KLHL9: variants seen among roughly 807,000 people sequenced by gnomAD.
KLHL9 encodes kelch like family member 9.
In KLHL9, 27 loss-of-function variants were observed where a neutral mutation model predicts 42.3. That is an observed-to-expected ratio of 0.64 (90% CI 0.47 to 0.88). The LOEUF (loss-of-function observed/expected upper bound fraction) is 0.88, where lower values mean the gene tolerates loss of function less well. Among genes scored for constraint, KLHL9 ranks in the 40% least tolerant of loss-of-function variants. The pLI is 0.00. For synonymous variants in KLHL9, 274 were observed against 254.4 expected (o/e 1.08, Z -0.73); for missense variants, 629 against 750.3 (o/e 0.84, Z 1.89).
chr9:21,331,897 G>C lies in KLHL9; in HGVS notation c.*1109C>G, dbSNP rs988064614. The C allele has an allele frequency of 1.3e-5, 2 of 152,606 alleles. No individual in the cohort carries two copies. Among genetic ancestry groups the C allele is most frequent in the Admixed American group, 6.5e-5 (1 of 15,282 alleles). The allele number at this position is 152,606 out of a possible 1,614,324, so 9.5% of individuals were successfully genotyped here. A position where few individuals can be genotyped will look rare whatever the true frequency, so the allele number is the denominator to read the frequency against. On this transcript the variant is annotated 3_prime_UTR_variant, in exon 1 of 1. Coordinates refer to ENST00000359039, the MANE Select transcript of KLHL9 (RefSeq NM_018847.4). The stretch of plus-strand genomic sequence containing the variant: ...CACAGCTCAGGATGCACATGGACTG[G>C]AACAGCACCAGGGCAAGCACCCCAA...
In KLHL9 at chr9:21,333,504, T is replaced by C; in HGVS notation, c.1356A>G (p.Gly452=). The change falls in exon 1 of 1, where the codon GGA becomes GGG. Residue 452 remains glycine (G), a synonymous_variant. Transcript: ENST00000359039. The surrounding 1 kb of genome is among the most constrained non-coding windows in gnomAD (Gnocchi z 7.5). ...TVYGGLMYIS[G]GITHDTFQNE... The stretch of plus-strand genomic sequence containing the variant: ...TTTGGAAAGTGTCATGGGTAATTCC[T>C]CCTGAAATATACATTAAGCCTCCAT... 1 of 1,614,206 alleles carries C rather than the reference T, an allele frequency of 6.2e-7. No homozygotes were observed. Among genetic ancestry groups the C allele is most frequent in the Admixed American group, 1.7e-5 (1 of 60,028 alleles).
rs767632846 is a variant in KLHL9 at position 21,333,319 on chromosome 9, C to T, written c.1541G>A (p.Ser514Asn). Residue 514 changes from serine (S) to asparagine (N), a missense_variant, in exon 1 of 1, where the codon AGC (serine) becomes AAC (asparagine). By Grantham distance (46) the Ser-to-Asn change is conservative (BLOSUM62 1). Coordinates refer to ENST00000359039, the MANE Select transcript of KLHL9 (RefSeq NM_018847.4). This position sits in a 1 kb window ranked among gnomAD's most constrained non-coding sequence, Gnocchi z 7.5. ...AAGGGTTGGTGAATAGTATTCACAG[C>T]TTAGAACATCATCATAATCACTTGT... ...RGTSDYDDVL[S>N]CEYYSPTLDQ... 7 of 1,614,056 alleles carry T rather than the reference C, an allele frequency of 4.3e-6. No homozygotes were observed. The South Asian group carries it at 7.7e-5, about 18-fold the overall frequency.
Position 21,334,337 on chromosome 9 carries a change from T to C in KLHL9, c.523A>G (p.Asn175Asp). 1.2e-6 allele frequency: 2 copies of C among 1,613,744 alleles called. No individual in the cohort carries two copies. Among genetic ancestry groups the C allele is most frequent in the Non-Finnish European group, 1.7e-6 (2 of 1,179,772 alleles). Residue 175 changes from asparagine (N) to aspartate (D), a missense_variant, in exon 1 of 1, where the codon AAT becomes GAT. By Grantham distance (23) the Asn-to-Asp change is conservative. This residue lies in a region of KLHL9 where 351 missense variants were observed against 363.1 expected (regional missense o/e 0.97). Coordinates refer to ENST00000359039, the MANE Select transcript of KLHL9 (RefSeq NM_018847.4). The surrounding 1 kb of genome is among the most constrained non-coding windows in gnomAD (Gnocchi z 5.1). ...NLIEVDKYVNNFILKNFPALL... is the reference protein window; with the variant it reads ...NLIEVDKYVNDFILKNFPALL... Reference sequence around the variant, plus strand: ...GCAGGAAAGTTCTTCAGGATGAAATTATTAACATATTTATCCACTTCTATA... The same window carrying C: ...GCAGGAAAGTTCTTCAGGATGAAATCATTAACATATTTATCCACTTCTATA...
rs1820238201 is a variant in KLHL9, at chr9:21,334,791, G to C, written c.69C>G (p.Thr23=). The C allele has an allele frequency of 1.2e-6, 2 of 1,612,976 alleles. No individual in the cohort carries two copies. The highest frequency in any genetic ancestry group is 2.7e-5 in the African/African-American group (2 of 74,830). The stretch of plus-strand genomic sequence containing the variant: ...GAGTATTGCTGGTAAAAAAGCGTGT[G>C]GTTCCTGCCTTACAAGGCTGCAAAT... ...SAHLQPCKAG[T]TRFFTSNTHS... is the part of the protein sequence containing the mutation. The change falls in exon 1 of 1, where the codon ACC becomes ACG. Residue 23 remains threonine (T), a synonymous_variant. Coordinates refer to ENST00000359039, the MANE Select transcript of KLHL9 (RefSeq NM_018847.4). The surrounding 1 kb of genome is among the most constrained non-coding windows in gnomAD (Gnocchi z 5.1).
At position 21,333,750 on chromosome 9, in the gene KLHL9, G is replaced by C; in HGVS notation, c.1110C>G (p.Phe370Leu). ...ATTTATTATACCGAGGATCAAATCT[G>C]AAAACTGTATCAACAGCAGTTTTTC... ...TKGKTAVDTV[F>L]RFDPRYNKWM... Residue 370 changes from phenylalanine to leucine, a missense_variant, in exon 1 of 1, where the codon TTC becomes TTG. This residue lies in a region of KLHL9 where 214 missense variants were observed against 305.8 expected (regional missense o/e 0.70). Coordinates refer to ENST00000359039, the MANE Select transcript of KLHL9 (RefSeq NM_018847.4). The surrounding 1 kb of genome is among the most constrained non-coding windows in gnomAD (Gnocchi z 7.5). 1 of 1,614,088 alleles carries C rather than the reference G, an allele frequency of 6.2e-7. No homozygotes were observed. Among genetic ancestry groups the C allele is most frequent in the Non-Finnish European group, 8.5e-7 (1 of 1,179,994 alleles).
In KLHL9 at chr9:21,334,951, G is replaced by A; in HGVS notation, c.-92C>T. On this transcript the variant is annotated 5_prime_UTR_variant, in exon 1 of 1. Transcript: ENST00000359039. This position sits in a 1 kb window ranked among gnomAD's most constrained non-coding sequence, Gnocchi z 5.1. ...GGTAACGAGGTGTCCAGAAAGAACA[G>A]AAAGCTCGTTTCCTTATCAAGGGAA... 1 of 1,554,792 alleles carries A rather than the reference G, an allele frequency of 6.4e-7. No individual in the cohort carries two copies. Among genetic ancestry groups the A allele is most frequent in the East Asian group, 2.3e-5 (1 of 43,482 alleles).
chr9:21,332,891 A>G lies in KLHL9; in HGVS notation c.*115T>C. ...AACATACTAAAAGCCATACAAGACG[A>G]ATAACATCAGTTACCTTTATATCTA... On this transcript the variant is annotated 3_prime_UTR_variant, in exon 1 of 1. Coordinates refer to ENST00000359039, the MANE Select transcript of KLHL9 (RefSeq NM_018847.4). The G allele has an allele frequency of 6.7e-7, 1 of 1,481,634 alleles. No homozygotes were observed. The highest frequency in any genetic ancestry group is 9.1e-7 in the Non-Finnish European group (1 of 1,098,954). 91.8% of individuals were successfully genotyped at this position (1,481,634 alleles called of 1,614,324 possible). A position where few individuals can be genotyped will look rare whatever the true frequency, so the allele number is the denominator to read the frequency against.
rs767466128 is a variant in KLHL9, at chr9:21,334,734, C to T, written c.126G>A (p.Gln42=). ...CACAAAGCAATCCTTCTATTCTAAGCTGATCAAAGCCTTGCAATACCACCG... is the reference window on the plus strand; with the variant it reads ...CACAAAGCAATCCTTCTATTCTAAGTTGATCAAAGCCTTGCAATACCACCG... ...HSSVVLQGFD[Q]LRIEGLLCDV... Residue 42 remains glutamine (Q), a synonymous_variant, in exon 1 of 1, where the codon CAG becomes CAA. Coordinates refer to ENST00000359039, the MANE Select transcript of KLHL9 (RefSeq NM_018847.4). The surrounding 1 kb of genome is among the most constrained non-coding windows in gnomAD (Gnocchi z 5.1). 1.2e-6 allele frequency: 2 copies of T among 1,612,714 alleles called. No homozygotes were observed. Among genetic ancestry groups the T allele is most frequent in the Non-Finnish European group, 1.7e-6 (2 of 1,179,108 alleles).
rs986599900 is a variant in KLHL9 at position 21,331,404 on chromosome 9, T to C, written c.*1602A>G. ...CAGACCCCTAGAAGCCAATTCATTT[T>C]GCCTTGGTTCCTGAGTTTTATTATG... On this transcript the variant is annotated 3_prime_UTR_variant, in exon 1 of 1. Transcript: ENST00000359039. 1.3e-5 allele frequency: 2 copies of C among 152,604 alleles called. No homozygotes were observed. The highest frequency in any genetic ancestry group is 2.9e-5 in the Non-Finnish European group (2 of 68,028). The allele number at this position is 152,604 out of a possible 1,614,324, so 9.5% of individuals were successfully genotyped here.
chr9:21,332,978 C>T lies in KLHL9; in HGVS notation c.*28G>A, dbSNP rs758565676. On this transcript the variant is annotated 3_prime_UTR_variant, in exon 1 of 1. Transcript: ENST00000359039. ...AGGGGAAGTATTAGATCACCCATGA[C>T]GTACTGCAAAGGTGTTACACCTTAG... The T allele has an allele frequency of 1.9e-6, 3 of 1,613,752 alleles. No homozygotes were observed. The highest frequency in any genetic ancestry group is 1.7e-5 in the Admixed American group (1 of 59,994).
rs1300480220 is a variant in KLHL9, at chr9:21,332,746, A to G, written c.*260T>C. ...ACATAATTACACATTTACCACAGTC[A>G]TCTACAATTTTATATAACATCACAA... On this transcript the variant is annotated 3_prime_UTR_variant, in exon 1 of 1. Coordinates refer to ENST00000359039, the MANE Select transcript of KLHL9 (RefSeq NM_018847.4). 1 of 468,432 alleles carries G rather than the reference A, an allele frequency of 2.1e-6. No homozygotes were observed. Among genetic ancestry groups the G allele is most frequent in the Admixed American group, 3.9e-5 (1 of 25,842 alleles). The allele number at this position is 468,432 out of a possible 1,614,324, so 29.0% of individuals were successfully genotyped here.
At position 21,335,318 on chromosome 9, in the gene KLHL9, A is replaced by AGGCCTG. The variant is rs1820251943; in HGVS notation, c.-465_-460dup. 2.3e-6 allele frequency: 1 copy of AGGCCTG among 433,072 alleles called. No homozygotes were observed. Among genetic ancestry groups the AGGCCTG allele is most frequent in the African/African-American group, 2.0e-5 (1 of 48,902 alleles). The allele number at this position is 433,072 out of a possible 1,614,324, so 26.8% of individuals were successfully genotyped here. The stretch of plus-strand genomic sequence containing the variant: ...GTCTTTGAGCAAGGGCCGGGAACAC[A>AGGCCTG]GGCCTGGGCCTGGGCTTGGGCCTAG... On this transcript the variant is annotated 5_prime_UTR_variant, in exon 1 of 1. Transcript: ENST00000359039.
At position 21,332,222 on chromosome 9, in the gene KLHL9, T is replaced by A. The variant is rs1028975465; in HGVS notation, c.*784A>T. 1 of 152,648 alleles carries A rather than the reference T, an allele frequency of 6.6e-6. No individual in the cohort carries two copies. Among genetic ancestry groups the A allele is most frequent in the African/African-American group, 2.4e-5 (1 of 41,460 alleles). The allele number at this position is 152,648 out of a possible 1,614,324, so 9.5% of individuals were successfully genotyped here. The stretch of plus-strand genomic sequence containing the variant: ...TCGATTTAGTATGCTGTAGCCCTTA[T>A]CTATCTAAATTCAGTATGACTACAT... On this transcript the variant is annotated 3_prime_UTR_variant, in exon 1 of 1. Transcript: ENST00000359039.
In KLHL9 at chr9:21,330,642, A is replaced by G; in HGVS notation, c.*2364T>C. 1 of 152,150 alleles carries G rather than the reference A, an allele frequency of 6.6e-6. No homozygotes were observed. Among genetic ancestry groups the G allele is most frequent in the East Asian group, 1.9e-4 (1 of 5,190 alleles). 9.4% of individuals were successfully genotyped at this position (152,150 alleles called of 1,614,324 possible). A position where few individuals can be genotyped will look rare whatever the true frequency, so the allele number is the denominator to read the frequency against. ...AATAAAAAGTACTTTTTTTCAATAA[A>G]AGGAAAAGCCTGTACAAAATAGAGG... On this transcript the variant is annotated 3_prime_UTR_variant, in exon 1 of 1. Coordinates refer to ENST00000359039, the MANE Select transcript of KLHL9 (RefSeq NM_018847.4).
chr9:21,334,566 C>A lies in KLHL9; in HGVS notation c.294G>T (p.Val98=), dbSNP rs146809403. Residue 98 remains valine, a synonymous_variant, in exon 1 of 1, where the codon GTG becomes GTT. Transcript: ENST00000359039. This position sits in a 1 kb window ranked among gnomAD's most constrained non-coding sequence, Gnocchi z 5.1. ...TGATTTTCTTCAGACCAACCTTGTTCACCCCATGAAGCTTAATGCACATCA... is the reference window on the plus strand; with the variant it reads ...TGATTTTCTTCAGACCAACCTTGTTAACCCCATGAAGCTTAATGCACATCA... The part of the protein sequence containing the change: ...QDLMCIKLHG[V]NKVGLKKIID... 5.2e-5 allele frequency: 84 copies of A among 1,614,130 alleles called. No homozygotes were observed. The African/African-American group carries it at 1.0e-3, about 19-fold the overall frequency.
chr9:21,332,873 T>TA lies in KLHL9; in HGVS notation c.*132dup, dbSNP rs1373968485. 2 of 1,360,688 alleles carry TA rather than the reference T, an allele frequency of 1.5e-6. No individual in the cohort carries two copies. Among genetic ancestry groups the TA allele is most frequent in the Non-Finnish European group, 2.0e-6 (2 of 1,010,996 alleles). The allele number at this position is 1,360,688 out of a possible 1,614,324, so 84.3% of individuals were successfully genotyped here. A position where few individuals can be genotyped will look rare whatever the true frequency, so the allele number is the denominator to read the frequency against. Reference sequence around the variant, plus strand: ...TTTGTTAGCCACTTGATAAACATACTAAAAGCCATACAAGACGAATAACAT... The same window carrying TA: ...TTTGTTAGCCACTTGATAAACATACTAAAAAGCCATACAAGACGAATAACAT... On this transcript the variant is annotated 3_prime_UTR_variant, in exon 1 of 1. Coordinates refer to ENST00000359039, the MANE Select transcript of KLHL9 (RefSeq NM_018847.4).
At position 21,333,160 on chromosome 9, in the gene KLHL9, T is replaced by C; in HGVS notation, c.1700A>G (p.Tyr567Cys). Residue 567 changes from tyrosine (Y) to cysteine (C), a missense_variant, in exon 1 of 1, where the codon TAT becomes TGT. Physicochemically the swap from Tyr to Cys is radical, Grantham distance 194. Around this residue, in one of 4 missense-constraint regions of KLHL9, gnomAD observed 61 missense variants for 63.5 expected, o/e 0.96. Transcript: ENST00000359039. This position sits in a 1 kb window ranked among gnomAD's most constrained non-coding sequence, Gnocchi z 7.5. The part of the protein sequence containing the change: ...NRCMVEIVQK[Y>C]DPEKDEWHKV... ...ATGCCACTCATCTTTTTCTGGGTCA[T>C]ATTTCTGGACAATTTCTACCATACA... 1 of 1,614,186 alleles carries C rather than the reference T, an allele frequency of 6.2e-7. No homozygotes were observed. The highest frequency in any genetic ancestry group is 8.5e-7 in the Non-Finnish European group (1 of 1,180,026).
At position 21,335,376 on chromosome 9, in the gene KLHL9, C is replaced by T. The variant is rs1820254919; in HGVS notation, c.-517G>A. The stretch of plus-strand genomic sequence containing the variant: ...GCCTAGCCCCAACACCGAGCCGCTC[C>T]TTCCGGAAAAGCCTAGTCCCAGGAT... On this transcript the variant is annotated 5_prime_UTR_variant, in exon 1 of 1. Transcript: ENST00000359039. 2.5e-6 allele frequency: 1 copy of T among 406,208 alleles called. No individual in the cohort carries two copies. The highest frequency in any genetic ancestry group is 3.6e-5 in the East Asian group (1 of 27,578). 25.2% of individuals were successfully genotyped at this position (406,208 alleles called of 1,614,324 possible). A position where few individuals can be genotyped will look rare whatever the true frequency, so the allele number is the denominator to read the frequency against.
In KLHL9 at chr9:21,334,008, T is replaced by C. The variant is rs779777080; in HGVS notation, c.852A>G (p.Pro284=). The change falls in exon 1 of 1, where the codon CCA becomes CCG. Residue 284 remains proline (P), a synonymous_variant. Coordinates refer to ENST00000359039, the MANE Select transcript of KLHL9 (RefSeq NM_018847.4). This position sits in a 1 kb window ranked among gnomAD's most constrained non-coding sequence, Gnocchi z 5.1. The part of the protein sequence containing the change: ...SNYQMMPYMQ[P]VMQSDRTAIR... ...TGGCAGTTCTATCTGACTGCATCAC[T>C]GGCTGCATATATGGCATCATTTGGT... 39 of 1,614,116 alleles carry C rather than the reference T, an allele frequency of 2.4e-5. No homozygotes were observed. Among genetic ancestry groups the C allele is most frequent in the Non-Finnish European group, 3.1e-5 (37 of 1,180,034 alleles).
Sources: gnomAD v4.1 joint callset for allele counts on GRCh38, gnomAD v4.1.1 for gene constraint, gnomAD v4.1.1 regional missense constraint, Gnocchi (gnomAD v3.1) non-coding constraint, MANE v1.5 for transcripts, NCBI Gene and HGNC (gene_info 2026-07-23, HGNC 2026-07-21) for gene names.